MICB: variants seen among roughly 807,000 people sequenced by gnomAD.
The protein encoded by MICB is MHC class I antigen-related protein B.
MICB carries 27 observed loss-of-function variants against 34.3 expected under a neutral mutation model. The ratio of observed to expected loss-of-function variants is 0.79; its 90% CI spans 0.58 to 1.08. The LOEUF (loss-of-function observed/expected upper bound fraction) is 1.08, where lower values mean the gene tolerates loss of function less well. Ranked by LOEUF, MICB falls within the 50% of genes least tolerant of loss-of-function variation. MICB has a pLI of 0.00. For missense variants in MICB, 426 were observed against 483.1 expected, an observed-to-expected ratio of 0.88 and a Z score of 1.11; for synonymous variants, 153 against 187.4, an observed-to-expected ratio of 0.82 and a Z score of 1.50.
At chr6:31,499,586 C>T (rs1235288117) in intron 1 of MICB, among the ~76,000 whole-genome samples, 6 of 152,134 alleles carry the variant, frequency 3.9e-5, no homozygotes, top group Non-Finnish European at 5.9e-5. Flanking sequence ...CCTCCAGACC[C>T]CCAAGGAGAG....
intron 1 of MICB, among the ~76,000 whole-genome samples, chr6:31,504,433 G>T (rs979619662): frequency 2.0e-5 from 3 of 151,352 alleles, no homozygotes; most frequent in African/African-American, 7.3e-5. Context: ...CTAATTTTTT[G>T]TATTTTTAGT....
chr6:31,499,338 C>T (rs9267383), intron 1 of MICB, among the ~76,000 whole-genome samples: 51,343 of 151,836 alleles, frequency 0.34, 8,839 homozygotes, highest in East Asian at 0.46. Flanking sequence ...GGTCCTGTTG[C>T]TCTCCCAGCT....
chr6:31,509,815 C>G lies in MICB; in HGVS notation c.1058C>G (p.Pro353Arg). 6.2e-7 allele frequency: 1 copy of G among 1,612,784 alleles called. No homozygotes were observed. The highest frequency in any genetic ancestry group is 8.5e-7 in the Non-Finnish European group (1 of 1,179,390). ...LVSLQVLDQH[P>R]VGTGDHRDAA... Reference sequence around the variant, plus strand: ...AGCCTGCAGGTCCTGGATCAACACCCAGTTGGGACAGGAGACCACAGGGAT... The same window carrying G: ...AGCCTGCAGGTCCTGGATCAACACCGAGTTGGGACAGGAGACCACAGGGAT... The change falls in exon 6 of 6, where the codon CCA becomes CGA. Residue 353 changes from proline to arginine, a missense_variant. Coordinates refer to ENST00000252229, the MANE Select transcript of MICB (RefSeq NM_005931.5).
In MICB at chr6:31,505,796, A is replaced by G. The variant is rs755329733; in HGVS notation, c.250A>G (p.Thr84Ala). 74 of 1,613,184 alleles carry G rather than the reference A, an allele frequency of 4.6e-5. No homozygotes were observed. Among genetic ancestry groups the G allele is most frequent in the Non-Finnish European group, 5.9e-5 (70 of 1,180,024 alleles). ...ENVLGAKTWD[T>A]ETEDLTENGQ... ...TGTCCTGGGAGCTAAGACCTGGGAC[A>G]CAGAGACCGAGGACTTGACAGAGAA... Residue 84 changes from threonine to alanine, a missense_variant, in exon 2 of 6, where the codon ACA becomes GCA. By Grantham distance (58) the Thr-to-Ala change is moderately conservative. Coordinates refer to ENST00000252229, the MANE Select transcript of MICB (RefSeq NM_005931.5).
rs568164436 is a variant in MICB at position 31,506,435 on chromosome 6, C to T, written c.613+5C>T. ...GGGTGGCCATCAGGAGAACAGGTACCGACCCTGGCCAGGGGCTCTACTGTT... is the reference window on the plus strand; with the variant it reads ...GGGTGGCCATCAGGAGAACAGGTACTGACCCTGGCCAGGGGCTCTACTGTT... On this transcript the variant is annotated splice_donor_5th_base_variant and intron_variant, in intron 3 of 5. Coordinates refer to ENST00000252229, the MANE Select transcript of MICB (RefSeq NM_005931.5). 46 of 1,612,152 alleles carry T rather than the reference C, an allele frequency of 2.9e-5. No homozygotes were observed. The South Asian group carries it at 3.1e-4, about 11-fold the overall frequency.
chr6:31,508,278 T>C (rs1468974133), intron 5 of MICB, among the ~76,000 whole-genome samples: 1 of 152,192 alleles, frequency 6.6e-6, no homozygotes, highest in East Asian at 1.9e-4. Context: ...TTTCCCTTTC[T>C]CAAGGTGGTC....
At chr6:31,500,825 C>G (rs1764980311) in intron 1 of MICB, among the ~76,000 whole-genome samples, 1 of 152,218 alleles carries the variant, frequency 6.6e-6, no homozygotes, top group African/African-American at 2.4e-5. Flanking sequence ...CTCCATTCGT[C>G]TGTTGATGGA....
In MICB at chr6:31,510,932, C is replaced by T. The variant is rs1765634626; in HGVS notation, c.*1023C>T. ...TGTTTTAATATATTTTAATATATTACATGTGCAGTAATTAGATTATCATGG... is the reference window on the plus strand; with the variant it reads ...TGTTTTAATATATTTTAATATATTATATGTGCAGTAATTAGATTATCATGG... On this transcript the variant is annotated 3_prime_UTR_variant, in exon 6 of 6. Transcript: ENST00000252229. 6.6e-6 allele frequency: 1 copy of T among 152,106 alleles called. No individual in the cohort carries two copies. Among genetic ancestry groups the T allele is most frequent in the Admixed American group, 6.6e-5 (1 of 15,264 alleles). 9.4% of individuals were successfully genotyped at this position (152,106 alleles called of 1,614,324 possible). A position where few individuals can be genotyped will look rare whatever the true frequency, so the allele number is the denominator to read the frequency against.
intron 1 of MICB, among the ~76,000 whole-genome samples, chr6:31,498,876 A>T (rs1764857017): frequency 6.6e-6 from 1 of 151,826 alleles, no homozygotes; most frequent in Non-Finnish European, 1.5e-5. Context: ...TTTCGGACAA[A>T]CCAGTCCTTC....
In MICB at chr6:31,507,143, T is replaced by C. The variant is rs1480123988; in HGVS notation, c.735T>C (p.Ser245=). 1 of 1,614,124 alleles carries C rather than the reference T, an allele frequency of 6.2e-7. No homozygotes were observed. The highest frequency in any genetic ancestry group is 2.2e-5 in the East Asian group (1 of 44,878). The change falls in exon 4 of 6, where the codon TCT becomes TCC. Residue 245 remains serine, a synonymous_variant. Transcript: ENST00000252229. This position sits in a 1 kb window ranked among gnomAD's most constrained non-coding sequence, Gnocchi z 6.0. ...TGACCTGGCGTCAGGATGGGGTATC[T>C]TTGAGCCACAACACCCAGCAGTGGG... The part of the protein sequence containing the change: ...ITLTWRQDGV[S]LSHNTQQWGD...
At chr6:31,506,066 C>A in intron 2 of MICB, 77 bp from the exon 3 acceptor site, 4 of 1,516,584 alleles carry the variant, frequency 2.6e-6, no homozygotes, top group Non-Finnish European at 3.5e-6. Context: ...GGAGGGGTCG[C>A]TGCTGGGCTG....
In MICB at chr6:31,506,143, G is replaced by A. The variant is rs530797467; in HGVS notation, c.326G>A (p.Gly109Asp). ...TLTHIKDQKGGLHSLQEIRVC... is the reference protein window; with the variant it reads ...TLTHIKDQKGDLHSLQEIRVC... ...AGAAGTCACTGCTGGGTGGGGGCAG[G>A]CTTGCATTCCCTCCAGGAGATTAGG... The change falls in exon 3 of 6, where the codon GGC (glycine) becomes GAC (aspartate). Residue 109 changes from glycine to aspartate, a missense_variant and splice_region_variant. Transcript: ENST00000252229. 6.8e-6 allele frequency: 11 copies of A among 1,611,886 alleles called. No homozygotes were observed. In the East Asian group the frequency reaches 2.5e-4, roughly 36 times the overall value.
In MICB at chr6:31,507,266, C is replaced by T; in HGVS notation, c.858C>T (p.His286=). Reference sequence around the variant, plus strand: ...AGAGGTTCACCTGCTACATGGAACACAGCGGGAATCACGGCACTCACCCTG... The same window carrying T: ...AGAGGTTCACCTGCTACATGGAACATAGCGGGAATCACGGCACTCACCCTG... ...EEQRFTCYME[H]SGNHGTHPVP... is the part of the protein sequence containing the mutation. Residue 286 remains histidine, a synonymous_variant, in exon 4 of 6, where the codon CAC becomes CAT. Coordinates refer to ENST00000252229, the MANE Select transcript of MICB (RefSeq NM_005931.5). This position sits in a 1 kb window ranked among gnomAD's most constrained non-coding sequence, Gnocchi z 6.0. 4 of 1,613,830 alleles carry T rather than the reference C, an allele frequency of 2.5e-6. No individual in the cohort carries two copies. Among genetic ancestry groups the T allele is most frequent in the Non-Finnish European group, 3.4e-6 (4 of 1,179,882 alleles).
At chr6:31,499,435 C>T (rs937313619) in intron 1 of MICB, among the ~76,000 whole-genome samples, 5 of 152,026 alleles carry the variant, frequency 3.3e-5, no homozygotes, top group Non-Finnish European at 5.9e-5. Flanking sequence ...ACTGAAGGTC[C>T]CTCCTGCCTC....
chr6:31,501,222 G>T (rs1765004613), intron 1 of MICB, among the ~76,000 whole-genome samples: 1 of 152,134 alleles, frequency 6.6e-6, no homozygotes. Context: ...TTTGCCATTT[G>T]TATGTCTTCT....
chr6:31,505,863 A>G lies in MICB; in HGVS notation c.317A>G (p.Gln106Arg), dbSNP rs774260502. 10 of 1,605,984 alleles carry G rather than the reference A, an allele frequency of 6.2e-6. No individual in the cohort carries two copies. The highest frequency in any genetic ancestry group is 6.0e-6 in the Non-Finnish European group (7 of 1,176,258). The change falls in exon 2 of 6, where the codon CAG becomes CGG. Residue 106 changes from glutamine to arginine, a missense_variant. Coordinates refer to ENST00000252229, the MANE Select transcript of MICB (RefSeq NM_005931.5). ...AGGACCCTGACTCATATCAAGGACC[A>G]GAAAGGAGGTGAGAGTCGGCAGGGG... ...LRRTLTHIKD[Q>R]KGGLHSLQEI...
chr6:31,495,276 G>T (rs1764595459), upstream of MICB, among the ~76,000 whole-genome samples: 1 of 151,880 alleles, frequency 6.6e-6, no homozygotes, highest in African/African-American at 2.4e-5. Context: ...GTCTTTTTTG[G>T]AGGCGAGCTG....
chr6:31,498,332 T>C, intron 1 of MICB, 69 bp downstream of exon 1: 1 of 1,349,422 alleles, frequency 7.4e-7, no homozygotes. Flanking sequence ...TCCGGGTGGG[T>C]TGCCGCGAGC....
chr6:31,505,636 C>A lies in MICB; in HGVS notation c.90C>A (p.Tyr30Ter). The change falls in exon 2 of 6, where the codon TAC (tyrosine) becomes TAA (stop). Residue 30 changes from tyrosine to a stop codon, truncating the protein, a stop_gained. Coordinates refer to ENST00000252229, the MANE Select transcript of MICB (RefSeq NM_005931.5). LOFTEE classifies it high-confidence loss of function. ...CCCCAGAGCCCCACAGTCTTCGTTA[C>A]AACCTCATGGTGCTGTCCCAGGATG... ...AAAAEPHSLR[Y>*]NLMVLSQDGS... 1 of 1,612,692 alleles carries A rather than the reference C, an allele frequency of 6.2e-7. No individual in the cohort carries two copies. The highest frequency in any genetic ancestry group is 8.5e-7 in the Non-Finnish European group (1 of 1,179,866).
Sources: allele counts gnomAD v4.1 joint callset (sites outside exome capture counted in the v4.1 genomes callset), GRCh38; gene constraint gnomAD v4.1.1; non-coding constraint Gnocchi (gnomAD v3.1); transcripts MANE v1.5; gene names NCBI Gene and HGNC (gene_info 2026-07-23, HGNC 2026-07-21).